MMP16: variants seen among roughly 807,000 people sequenced by gnomAD.
The protein encoded by MMP16 is matrix metalloproteinase-16.
A neutral mutation model predicts 67.8 loss-of-function variants in MMP16; 12 were observed. That is an observed-to-expected ratio of 0.18 (90% CI 0.11 to 0.29). MMP16 has a LOEUF of 0.29. MMP16 is among the 10% of genes least tolerant of loss of function. The probability of loss-of-function intolerance (pLI) is 1.00; values close to 1 mark genes in which losing one functional copy is unlikely to be tolerated. For synonymous variants in MMP16, 249 were observed against 255.9 expected, an observed-to-expected ratio of 0.97 and a Z score of 0.26; for missense variants, 475 against 765.7, an observed-to-expected ratio of 0.62 and a Z score of 4.48.
intron 6 of MMP16, among the ~76,000 whole-genome samples, chr8:88,102,563 C>CA (rs982376675): frequency 5.5e-4 from 83 of 151,748 alleles, no homozygotes; most frequent in Non-Finnish European, 2.1e-4. Context: ...TTGATTCAAC[C>CA]ACTGGCCATG....
chr8:88,321,715 T>C (rs1385646284), intron 1 of MMP16, among the ~76,000 whole-genome samples: 1 of 152,170 alleles, frequency 6.6e-6, no homozygotes, highest in Admixed American at 6.5e-5. Flanking sequence ...TCCCATCCCC[T>C]TTGGCTACAT....
intron 1 of MMP16, among the ~76,000 whole-genome samples, chr8:88,318,077 G>C (rs1811401249): frequency 6.6e-6 from 1 of 152,170 alleles, no homozygotes; most frequent in South Asian, 2.1e-4. Context: ...ATGCCAGTCA[G>C]TAGCTATAGA....
chr8:88,282,184 C>T (rs1172064233), intron 1 of MMP16, among the ~76,000 whole-genome samples: 2 of 151,336 alleles, frequency 1.3e-5, no homozygotes, highest in African/African-American at 4.9e-5. Context: ...AAGCGATTCT[C>T]CTGCCTCAGT....
At chr8:88,252,510 T>A (rs1810241213) in intron 1 of MMP16, among the ~76,000 whole-genome samples, 1 of 151,954 alleles carries the variant, frequency 6.6e-6, no homozygotes, top group African/African-American at 2.4e-5. Flanking sequence ...AACAAACCAA[T>A]AATCTCTTAC....
At chr8:88,178,452 G>A (rs1808928201) in intron 3 of MMP16, among the ~76,000 whole-genome samples, 1 of 152,160 alleles carries the variant, frequency 6.6e-6, no homozygotes, top group Non-Finnish European at 1.5e-5. Flanking sequence ...GAAATATGCT[G>A]TAAGATATGT....
intron 1 of MMP16, among the ~76,000 whole-genome samples, chr8:88,293,539 G>T (rs985065093): frequency 9.2e-5 from 14 of 151,952 alleles, no homozygotes; most frequent in Admixed American, 5.2e-4. Flanking sequence ...TTAATCCATT[G>T]CTTTTAAAAG....
chr8:88,043,000 A>G (rs1259225348), intron 9 of MMP16, among the ~76,000 whole-genome samples: 1 of 152,192 alleles, frequency 6.6e-6, no homozygotes, highest in Non-Finnish European at 1.5e-5. Flanking sequence ...ATACAAGGCA[A>G]AATTCATAGT....
chr8:88,037,200 T>C lies in MMP16; in HGVS notation c.*4261A>G, dbSNP rs1188514407. ...CAGTTTACACACCATCATCTATGTA[T>C]TGGAACTAGCAGTGAAGTTTGGACA... On this transcript the variant is annotated 3_prime_UTR_variant, in exon 10 of 10. Coordinates refer to ENST00000286614, the MANE Select transcript of MMP16 (RefSeq NM_005941.5). 3 of 151,104 alleles carry C rather than the reference T, an allele frequency of 2.0e-5. No individual in the cohort carries two copies. In the Admixed American group the frequency reaches 2.0e-4, roughly 10 times the overall value. The allele number at this position is 151,104 out of a possible 1,614,324, so 9.4% of individuals were successfully genotyped here. A position where few individuals can be genotyped will look rare whatever the true frequency, so the allele number is the denominator to read the frequency against.
chr8:88,228,178 T>G lies in MMP16; in HGVS notation c.133-30872A>C, dbSNP rs527822919. On this transcript the variant is annotated intron_variant, in intron 1 of 9. Coordinates refer to ENST00000286614, the MANE Select transcript of MMP16 (RefSeq NM_005941.5). Reference sequence around the variant, plus strand: ...GCATTCTCATATGCTGCTAATGGTATAAATTGGCAAACCATTCTGGAAAAA... The same window carrying G: ...GCATTCTCATATGCTGCTAATGGTAGAAATTGGCAAACCATTCTGGAAAAA... Among the ~76,000 whole-genome samples, 15 of 152,226 alleles carry G rather than the reference T, an allele frequency of 9.9e-5. No homozygotes were observed. In the South Asian group the frequency reaches 3.1e-3, roughly 32 times the overall value.
At chr8:88,196,311 A>G (rs1809251297) in intron 2 of MMP16, among the ~76,000 whole-genome samples, 2 of 152,202 alleles carry the variant, frequency 1.3e-5, no homozygotes, top group African/African-American at 4.8e-5. Context: ...CTACTGAAAA[A>G]AATTAATCAC....
At chr8:88,260,291 T>G (rs1385860565) in intron 1 of MMP16, among the ~76,000 whole-genome samples, 1 of 121,866 alleles carries the variant, frequency 8.2e-6, no homozygotes, top group Non-Finnish European at 1.7e-5. Context: ...GGAATACATG[T>G]TTTTTTTGTT....
intron 6 of MMP16, among the ~76,000 whole-genome samples, chr8:88,111,571 G>A (rs1024150959): frequency 5.9e-5 from 9 of 151,664 alleles, no homozygotes; most frequent in Non-Finnish European, 7.4e-5. Flanking sequence ...GAAATGGGCC[G>A]ATCATGTAGC....
chr8:88,110,730 G>T (rs771635429), intron 6 of MMP16, among the ~76,000 whole-genome samples: 1 of 151,462 alleles, frequency 6.6e-6, no homozygotes, highest in African/African-American at 2.4e-5. Context: ...ACAACAAACT[G>T]TTTCACTCAC....
At chr8:88,323,425 A>T (rs914249255) in intron 1 of MMP16, among the ~76,000 whole-genome samples, 3 of 152,130 alleles carry the variant, frequency 2.0e-5, no homozygotes, top group African/African-American at 7.2e-5. Context: ...AAATAGTTAT[A>T]CTCAATTCAT....
chr8:88,153,316 G>A (rs1430634603), intron 4 of MMP16, among the ~76,000 whole-genome samples: 88 of 152,062 alleles, frequency 5.8e-4, no homozygotes, highest in African/African-American at 1.4e-3. Flanking sequence ...ATTCAATGCC[G>A]TCCCCATCAA....
At chr8:88,154,823 T>A (rs563486021) in intron 4 of MMP16, among the ~76,000 whole-genome samples, 1 of 141,404 alleles carries the variant, frequency 7.1e-6, no homozygotes, top group Non-Finnish European at 1.5e-5. Flanking sequence ...CATATGTAAC[T>A]AACCTGCACA....
Position 88,039,226 on chromosome 8 carries a change from G to A in MMP16, c.*2235C>T, listed in dbSNP as rs1315944404. 1 of 150,752 alleles carries A rather than the reference G, an allele frequency of 6.6e-6. No homozygotes were observed. Among genetic ancestry groups the A allele is most frequent in the African/African-American group, 2.4e-5 (1 of 41,096 alleles). The allele number at this position is 150,752 out of a possible 1,614,324, so 9.3% of individuals were successfully genotyped here. A position where few individuals can be genotyped will look rare whatever the true frequency, so the allele number is the denominator to read the frequency against. On this transcript the variant is annotated 3_prime_UTR_variant, in exon 10 of 10. Transcript: ENST00000286614. This position sits in a 1 kb window ranked among gnomAD's most constrained non-coding sequence, Gnocchi z 4.5. ...TCCTGCTTTATATAAAAGCCACACT[G>A]GCCATTCAAGTATTTGAGGTTTTTT...
At chr8:88,294,277 TAC>T (rs986804974) in intron 1 of MMP16, among the ~76,000 whole-genome samples, 46 of 145,158 alleles carry the variant, frequency 3.2e-4, no homozygotes, top group African/African-American at 9.6e-4. Flanking sequence ...TATCTATATA[TAC>T]ACACACACAT....
intron 3 of MMP16, among the ~76,000 whole-genome samples, chr8:88,171,591 G>T (rs1808804543): frequency 6.6e-6 from 1 of 151,986 alleles, no homozygotes; most frequent in Admixed American, 6.6e-5. Flanking sequence ...AAGATAGCTG[G>T]TTAAACAAAA....
Sources: gnomAD v4.1 joint callset for allele counts (sites outside exome capture counted in the v4.1 genomes callset) on GRCh38, gnomAD v4.1.1 for gene constraint, Gnocchi (gnomAD v3.1) non-coding constraint, MANE v1.5 for transcripts, NCBI Gene and HGNC (gene_info 2026-07-23, HGNC 2026-07-21) for gene names.